The following PAG1 variants were observed in gnomAD, a reference collection of about 807,000 sequenced individuals.
PAG1 encodes the protein phosphoprotein associated with glycosphingolipid-enriched microdomains 1.
PAG1 carries 23 observed loss-of-function variants against 31.7 expected under a neutral mutation model. That is an observed-to-expected ratio of 0.73 (90% confidence interval 0.52 to 1.03). PAG1 has a LOEUF of 1.03. Ranked by LOEUF, PAG1 falls within the 50% of genes least tolerant of loss-of-function variation. The pLI, the probability that PAG1 is intolerant of heterozygous loss-of-function variation, is 0.00. For missense variants in PAG1, 473 were observed against 540.7 expected, an observed-to-expected ratio of 0.87 and a Z score of 1.24; for synonymous variants, 214 against 210.3, an observed-to-expected ratio of 1.02 and a Z score of -0.15.
At chr8:81,101,606 A>G (rs557926002) in intron 1 of PAG1, among the ~76,000 whole-genome samples, 5 of 152,286 alleles carry the variant, frequency 3.3e-5, no homozygotes, top group African/African-American at 1.2e-4. Context: ...TTCCAATTCT[A>G]TTGGCAAAAA....
intron 8 of PAG1, among the ~76,000 whole-genome samples, chr8:80,979,401 AAC>A (rs1807251966): frequency 6.6e-6 from 1 of 152,140 alleles, no homozygotes; most frequent in Admixed American, 6.5e-5. Flanking sequence ...ACACAAAGAA[AAC>A]AGTTTGGAGG....
At chr8:81,029,185 G>A (rs1808334450) in intron 3 of PAG1, among the ~76,000 whole-genome samples, 1 of 152,170 alleles carries the variant, frequency 6.6e-6, no homozygotes, top group Admixed American at 6.5e-5. Flanking sequence ...ACAGCAATTT[G>A]TGCTAAAACA....
intron 5 of PAG1, among the ~76,000 whole-genome samples, chr8:80,987,699 CAT>C (rs1233791780): frequency 3.3e-5 from 5 of 152,124 alleles, no homozygotes; most frequent in African/African-American, 4.8e-5. Context: ...TTTTCCTATC[CAT>C]ATATGTTATA....
chr8:81,094,115 A>G (rs1307429147), intron 1 of PAG1, among the ~76,000 whole-genome samples: 1 of 152,048 alleles, frequency 6.6e-6, no homozygotes, highest in Non-Finnish European at 1.5e-5. Flanking sequence ...CCACCATAGG[A>G]AAATGTTTTC....
intron 3 of PAG1, among the ~76,000 whole-genome samples, chr8:81,027,773 C>T (rs377208302): frequency 6.6e-6 from 1 of 151,892 alleles, no homozygotes; most frequent in East Asian, 1.9e-4. Flanking sequence ...GGCGTGGTGG[C>T]GGATGCCTGT....
At chr8:80,977,327 T>C (rs1309511022) in intron 8 of PAG1, among the ~76,000 whole-genome samples, 1 of 152,236 alleles carries the variant, frequency 6.6e-6, no homozygotes, top group African/African-American at 2.4e-5. Flanking sequence ...TCTCAAAGTG[T>C]GGGCTGTAAA....
intron 3 of PAG1, among the ~76,000 whole-genome samples, chr8:80,997,577 T>C (rs1807705309): frequency 6.6e-6 from 1 of 152,194 alleles, no homozygotes; most frequent in African/African-American, 2.4e-5. Context: ...GTTTAAAAAA[T>C]TTCTCTTATC....
intron 3 of PAG1, among the ~76,000 whole-genome samples, chr8:81,021,979 C>T (rs1808181299): frequency 1.3e-5 from 2 of 152,176 alleles, no homozygotes; most frequent in Non-Finnish European, 2.9e-5. Flanking sequence ...GTGATAGTTT[C>T]CTTGCCAGTA....
intron 1 of PAG1, among the ~76,000 whole-genome samples, chr8:81,080,024 C>T (rs1331693336): frequency 6.6e-6 from 1 of 152,090 alleles, no homozygotes; most frequent in African/African-American, 2.4e-5. Context: ...CCCATCAAGG[C>T]CTCCCAAAGT....
intron 3 of PAG1, among the ~76,000 whole-genome samples, chr8:81,008,645 C>T (rs1807928613): frequency 6.6e-6 from 1 of 151,284 alleles, no homozygotes; most frequent in Admixed American, 6.6e-5. Context: ...AGATCAAATT[C>T]CAATCTCACG....
At position 81,035,741 on chromosome 8, in the gene PAG1, T is replaced by C. The variant is rs1308547454; in HGVS notation, c.-174-5652A>G. Among the ~76,000 whole-genome samples the C allele has an allele frequency of 2.6e-5, 4 of 152,158 alleles. No individual in the cohort carries two copies. In the South Asian group the frequency reaches 8.3e-4, roughly 32 times the overall value. On this transcript the variant is annotated intron_variant, in intron 2 of 8. Transcript: ENST00000220597. ...CTAAAAGATCAAGCTCAAAGGCAAT[T>C]CTCCAGGTGAAGAAGCACTTCATCA... is the stretch of plus-strand genomic sequence containing the variant.
At chr8:81,012,292 C>T (rs1807999155) in intron 3 of PAG1, among the ~76,000 whole-genome samples, 1 of 152,232 alleles carries the variant, frequency 6.6e-6, no homozygotes, top group Non-Finnish European at 1.5e-5. Flanking sequence ...TGAGGCACTT[C>T]TGTTTGGTCT....
intron 2 of PAG1, among the ~76,000 whole-genome samples, chr8:81,056,031 G>C (rs1808816915): frequency 6.6e-6 from 1 of 152,160 alleles, no homozygotes. Context: ...TCCCTGTCTT[G>C]TGCCAGTTTT....
chr8:81,004,477 C>CA (rs1164432558), intron 3 of PAG1, among the ~76,000 whole-genome samples: 1 of 152,174 alleles, frequency 6.6e-6, no homozygotes, highest in Non-Finnish European at 1.5e-5. Flanking sequence ...TACTATGTGC[C>CA]AGGCACAATT....
intron 2 of PAG1, among the ~76,000 whole-genome samples, chr8:81,036,695 C>T (rs1227882449): frequency 2.6e-5 from 4 of 152,184 alleles, no homozygotes; most frequent in Admixed American, 6.5e-5. Flanking sequence ...TTTCATCAGC[C>T]GCTCTTCTCC....
intron 2 of PAG1, among the ~76,000 whole-genome samples, chr8:81,066,195 C>T (rs1384239467): frequency 6.6e-6 from 1 of 152,200 alleles, no homozygotes. Flanking sequence ...ACCCGTTGTG[C>T]ATCAGACACA....
At chr8:81,103,974 G>C (rs1340131791) in intron 1 of PAG1, among the ~76,000 whole-genome samples, 2 of 152,180 alleles carry the variant, frequency 1.3e-5, no homozygotes, top group East Asian at 3.8e-4. Flanking sequence ...AATAAGAAAT[G>C]ATAATTCTAT....
chr8:81,058,153 T>A (rs1236755262), intron 2 of PAG1, among the ~76,000 whole-genome samples: 1 of 152,160 alleles, frequency 6.6e-6, no homozygotes, highest in Non-Finnish European at 1.5e-5. Context: ...TTTTCCCCAA[T>A]CCTAATCTTA....
At chr8:80,985,802 T>C (rs1807406641) in intron 6 of PAG1, among the ~76,000 whole-genome samples, 1 of 152,190 alleles carries the variant, frequency 6.6e-6, no homozygotes, top group South Asian at 2.1e-4. Flanking sequence ...AGGGAATTAT[T>C]GGTAGCCACC....
Sources: gnomAD v4.1 joint callset for allele counts (sites outside exome capture counted in the v4.1 genomes callset) on GRCh38, gnomAD v4.1.1 for gene constraint, MANE v1.5 for transcripts, NCBI Gene and HGNC (gene_info 2026-07-23, HGNC 2026-07-21) for gene names.